Variants in LRP1 observed in about 807,000 individuals in gnomAD.
LRP1 encodes the protein LDL receptor related protein 1.
Under a neutral mutation model 541.5 loss-of-function variants are expected in LRP1, and 51 were observed. That is an observed-to-expected ratio of 0.09 (90% CI 0.08 to 0.12). LRP1 has a LOEUF of 0.12. Among genes scored for constraint, LRP1 ranks in the 10% least tolerant of loss-of-function variants. LRP1 has a pLI of 1.00. For missense variants in LRP1, 3,878 were observed against 6,376.2 expected (o/e 0.61, Z 13.34); for synonymous variants, 2,219 against 2,470.8 (o/e 0.90, Z 3.02).
intron 1 of LRP1, among the ~76,000 whole-genome samples, chr12:57,135,840 CG>C (rs992912251): frequency 4.1e-5 from 6 of 146,594 alleles, no homozygotes; most frequent in African/African-American, 1.5e-4. Context: ...TGGGGGACAG[CG>C]GGGGGGACTC....
chr12:57,203,599 C>T (rs2036705627), intron 70 of LRP1, 78 bp downstream of exon 70: 1 of 1,406,592 alleles, frequency 7.1e-7, no homozygotes, highest in Admixed American at 2.8e-5. Context: ...TTCACTCATT[C>T]TTTCTCTTCT....
At chr12:57,193,005 C>T (rs1227295070) in intron 45 of LRP1, 35 bp downstream of exon 45, 2 of 1,605,632 alleles carry the variant, frequency 1.2e-6, no homozygotes, top group Non-Finnish European at 8.5e-7. Context: ...TGGCGGGGAA[C>T]CCAAGCACAC....
At position 57,156,064 on chromosome 12, in the gene LRP1, A is replaced by C. The variant is rs549755581; in HGVS notation, c.1228-30A>C. ...CAGAGGGAGGAACCCCTGTCATCTC[A>C]TGCTGTCCATTCTTGCCTGCCCGTC... On this transcript the variant is annotated intron_variant, in intron 8 of 88. Coordinates refer to ENST00000243077, the MANE Select transcript of LRP1 (RefSeq NM_002332.3). This position sits in a 1 kb window ranked among gnomAD's most constrained non-coding sequence, Gnocchi z 5.2. 2.5e-6 allele frequency: 4 copies of C among 1,598,986 alleles called. No homozygotes were observed. Among genetic ancestry groups the C allele is most frequent in the Admixed American group, 3.4e-5 (2 of 59,568 alleles).
chr12:57,130,779 C>T (rs1015169131), intron 1 of LRP1, among the ~76,000 whole-genome samples: 17 of 152,106 alleles, frequency 1.1e-4, no homozygotes, highest in Non-Finnish European at 2.2e-4. Flanking sequence ...ATTTGCCACA[C>T]CAAGTTAGTG....
Position 57,200,825 on chromosome 12 carries a change from T to TTGG in LRP1, c.10225+10_10225+11insTGG. On this transcript the variant is annotated intron_variant, in intron 64 of 88. Transcript: ENST00000243077. ...GACGAGGCCAACTGTGGTAAGGCGCTGCCCGCCCACCCTCCCTCCTTCCCC... is the reference window on the plus strand; with the variant it reads ...GACGAGGCCAACTGTGGTAAGGCGCTTGGGCCCGCCCACCCTCCCTCCTTCCCC... The TTGG allele has an allele frequency of 6.3e-7, 1 of 1,595,862 alleles. No individual in the cohort carries two copies. The highest frequency in any genetic ancestry group is 8.6e-7 in the Non-Finnish European group (1 of 1,166,770).
intron 50 of LRP1, 68 bp downstream of exon 50, chr12:57,194,767 G>A: frequency 6.6e-7 from 1 of 1,505,382 alleles, no homozygotes. Flanking sequence ...GTCCCCCCCA[G>A]CAAATGCCCC....
chr12:57,174,026 G>C (rs758206604), intron 22 of LRP1, 46 bp downstream of exon 22: 6 of 1,587,148 alleles, frequency 3.8e-6, no homozygotes, highest in East Asian at 2.3e-5. Flanking sequence ...GGCTGGGTAG[G>C]AGTCTGGGCC....
intron 3 of LRP1, among the ~76,000 whole-genome samples, chr12:57,142,085 T>C (rs1376320281): frequency 1.3e-5 from 2 of 152,008 alleles, no homozygotes; most frequent in Non-Finnish European, 2.9e-5. Context: ...GGTGGGAACA[T>C]TAGGATGACA....
chr12:57,157,016 G>A, intron 10 of LRP1, 96 bp downstream of exon 10: 1 of 1,387,482 alleles, frequency 7.2e-7, no homozygotes, highest in African/African-American at 1.4e-5. Context: ...CTGACATGCA[G>A]GGAGATGAAG....
chr12:57,177,942 CT>C lies in LRP1; in HGVS notation c.4361+355del, dbSNP rs1182604788. On this transcript the variant is annotated intron_variant, in intron 26 of 88. Transcript: ENST00000243077. This position sits in a 1 kb window ranked among gnomAD's most constrained non-coding sequence, Gnocchi z 6.8. ...GTCTGCCCAGGGAGGGTGCCTTTTT[CT>C]TTTCTTTTTTTTTTTTTTTTTTTGA... Among the ~76,000 whole-genome samples the C allele has an allele frequency of 1.4e-5, 2 of 139,328 alleles. No homozygotes were observed. The highest frequency in any genetic ancestry group is 3.1e-5 in the Non-Finnish European group (2 of 64,938). 91.4% of individuals were successfully genotyped at this position (139,328 alleles called of 152,430 possible). A position where few individuals can be genotyped will look rare whatever the true frequency, so the allele number is the denominator to read the frequency against.
chr12:57,184,222 G>A lies in LRP1; in HGVS notation c.6059+8G>A. The stretch of plus-strand genomic sequence containing the variant: ...CGTCCACCCGGAGAAAGGGTGAGGA[G>A]CTGGAAAGACTGGCCTTGTCATTCT... On this transcript the variant is annotated splice_region_variant and intron_variant, in intron 37 of 88. Coordinates refer to ENST00000243077, the MANE Select transcript of LRP1 (RefSeq NM_002332.3). The surrounding 1 kb of genome is among the most constrained non-coding windows in gnomAD (Gnocchi z 7.8). 6.2e-7 allele frequency: 1 copy of A among 1,613,636 alleles called. No homozygotes were observed. Among genetic ancestry groups the A allele is most frequent in the Non-Finnish European group, 8.5e-7 (1 of 1,179,604 alleles).
chr12:57,193,743 C>T, intron 47 of LRP1, 58 bp downstream of exon 47: 2 of 1,613,566 alleles, frequency 1.2e-6, no homozygotes, highest in South Asian at 2.2e-5. Flanking sequence ...CCACCCCTCC[C>T]TGGCCAAGCT....
rs903364986 is a variant in LRP1 at position 57,183,595 on chromosome 12, G to T, written c.5794+85G>T. The T allele has an allele frequency of 2.6e-6, 4 of 1,529,984 alleles. No individual in the cohort carries two copies. The African/African-American group carries it at 5.5e-5, about 21-fold the overall frequency. 94.8% of individuals were successfully genotyped at this position (1,529,984 alleles called of 1,614,324 possible). On this transcript the variant is annotated intron_variant, in intron 35 of 88. Coordinates refer to ENST00000243077, the MANE Select transcript of LRP1 (RefSeq NM_002332.3). The surrounding 1 kb of genome is among the most constrained non-coding windows in gnomAD (Gnocchi z 6.1). ...GTGTGCCCTGAGGGTCCAGTGAGAG[G>T]CTGCCTGAATTGGCCTGAGGTGGGG...
At chr12:57,129,939 C>A (rs908088769) in intron 1 of LRP1, among the ~76,000 whole-genome samples, 1 of 152,146 alleles carries the variant, frequency 6.6e-6, no homozygotes, top group Non-Finnish European at 1.5e-5. Context: ...TTATTCCCTG[C>A]ACCCCTCCAA....
chr12:57,137,795 CAA>C (rs35342974), intron 1 of LRP1, among the ~76,000 whole-genome samples: 7 of 135,598 alleles, frequency 5.2e-5, no homozygotes, highest in African/African-American at 5.5e-5. Flanking sequence ...GACCTTGTCT[CAA>C]AAAAAAAAAA....
chr12:57,204,938 G>A lies in LRP1; in HGVS notation c.11195-171G>A. On this transcript the variant is annotated intron_variant, in intron 72 of 88. Coordinates refer to ENST00000243077, the MANE Select transcript of LRP1 (RefSeq NM_002332.3). The surrounding 1 kb of genome is among the most constrained non-coding windows in gnomAD (Gnocchi z 5.3). Reference sequence around the variant, plus strand: ...GAAGCCCCTGGGGAAGGCTCTGGGGGCTGCCTGATGCCTTAGGTCTTGGAG... The same window carrying A: ...GAAGCCCCTGGGGAAGGCTCTGGGGACTGCCTGATGCCTTAGGTCTTGGAG... The A allele has an allele frequency of 2.3e-6, 3 of 1,308,590 alleles. No homozygotes were observed. Among genetic ancestry groups the A allele is most frequent in the African/African-American group, 1.5e-5 (1 of 67,656 alleles). 81.1% of individuals were successfully genotyped at this position (1,308,590 alleles called of 1,614,324 possible). A position where few individuals can be genotyped will look rare whatever the true frequency, so the allele number is the denominator to read the frequency against.
At position 57,211,433 on chromosome 12, in the gene LRP1, A is replaced by G; in HGVS notation, c.13092-54A>G. The G allele has an allele frequency of 6.2e-7, 1 of 1,609,272 alleles. No homozygotes were observed. The highest frequency in any genetic ancestry group is 8.5e-7 in the Non-Finnish European group (1 of 1,178,238). ...CTGCCCTGCCCCTCCCTTCCTCAGC[A>G]TCCCAGGCACGCCTCTGCCAGCCCC... On this transcript the variant is annotated intron_variant, in intron 84 of 88. Transcript: ENST00000243077. The surrounding 1 kb of genome is among the most constrained non-coding windows in gnomAD (Gnocchi z 4.3).
rs2036666217 is a variant in LRP1, at chr12:57,201,954, G to A, written c.10594+49G>A. The A allele has an allele frequency of 1.2e-6, 2 of 1,607,228 alleles. No homozygotes were observed. Among genetic ancestry groups the A allele is most frequent in the Middle Eastern group, 1.6e-4 (1 of 6,066 alleles). On this transcript the variant is annotated intron_variant, in intron 67 of 88. Transcript: ENST00000243077. This position sits in a 1 kb window ranked among gnomAD's most constrained non-coding sequence, Gnocchi z 6.4. ...AGGAAGACAGTCTACCTGGGTGGGA[G>A]GCATGGCACCCCTGGCAGGTGGAGG...
At chr12:57,192,451 C>T (rs1257785102) in intron 44 of LRP1, among the ~76,000 whole-genome samples, 2 of 152,166 alleles carry the variant, frequency 1.3e-5, no homozygotes, top group African/African-American at 4.8e-5. Context: ...CCTGGGTGCA[C>T]GTGCCCTCAG....
Sources: allele counts gnomAD v4.1 joint callset (sites outside exome capture counted in the v4.1 genomes callset), GRCh38; gene constraint gnomAD v4.1.1; non-coding constraint Gnocchi (gnomAD v3.1); transcripts MANE v1.5; gene names NCBI Gene and HGNC (gene_info 2026-07-23, HGNC 2026-07-21).